Variants in TRDMT1 observed in about 807,000 individuals in gnomAD.
TRDMT1 encodes the protein tRNA aspartic acid methyltransferase 1.
A neutral mutation model predicts 51.2 loss-of-function variants in TRDMT1; 49 were observed. The ratio of observed to expected loss-of-function variants is 0.96; its 90% CI spans 0.76 to 1.21. The LOEUF (loss-of-function observed/expected upper bound fraction) is 1.21. TRDMT1 is among the 50% of genes most tolerant of loss of function. The probability of loss-of-function intolerance (pLI) is 0.00; values close to 1 mark genes in which losing one functional copy is unlikely to be tolerated. For missense variants in TRDMT1, 534 were observed against 462.3 expected (o/e 1.16, Z -1.42); for synonymous variants, 187 against 164.6 (o/e 1.14, Z -1.04).
chr10:17,171,863 C>A, intron 2 of TRDMT1: 1 of 156,360 alleles, frequency 6.4e-6, no homozygotes. Flanking sequence ...TCCAGAAGGG[C>A]TCATGGATGT....
intron 1 of TRDMT1, among the ~76,000 whole-genome samples, chr10:17,189,853 G>C (rs1844453983): frequency 6.6e-6 from 1 of 152,118 alleles, no homozygotes; most frequent in Non-Finnish European, 1.5e-5. Flanking sequence ...GGTCCTGTTT[G>C]TGCTAAAAGA....
At position 17,162,175 on chromosome 10, in the gene TRDMT1, A is replaced by C; in HGVS notation, c.314T>G (p.Ile105Ser). The change falls in exon 4 of 11, where the codon ATT becomes AGT. Residue 105 changes from isoleucine to serine, a missense_variant. Ile to Ser is a moderately radical substitution (Grantham distance 142). Transcript: ENST00000377799. Reference sequence around the variant, plus strand: ...GAACCTAAGTTTTTACCTTGGGAGAATATCTAGAATATGTAAGAAGCTATT... The same window carrying C: ...GAACCTAAGTTTTTACCTTGGGAGACTATCTAGAATATGTAAGAAGCTATT... Reference protein sequence around the residue: ...RTNSFLHILDILPRLQKLPKY... With the variant: ...RTNSFLHILDSLPRLQKLPKY... The C allele has an allele frequency of 6.2e-7, 1 of 1,610,304 alleles. No homozygotes were observed. The highest frequency in any genetic ancestry group is 8.5e-7 in the Non-Finnish European group (1 of 1,177,694).
In TRDMT1 at chr10:17,137,379, A is replaced by G. The variant is rs141615495; in HGVS notation, c.*11661T>C. ...ATTTATTGACCTTCTCTGATTTACAATAAAGTCGTAATGTACAAATCTGGA... is the reference window on the plus strand; with the variant it reads ...ATTTATTGACCTTCTCTGATTTACAGTAAAGTCGTAATGTACAAATCTGGA... On this transcript the variant is annotated 3_prime_UTR_variant, in exon 11 of 11. Coordinates refer to ENST00000377799, the MANE Select transcript of TRDMT1 (RefSeq NM_004412.7). 1.8e-4 allele frequency: 27 copies of G among 152,370 alleles called. No individual in the cohort carries two copies. Among genetic ancestry groups the G allele is most frequent in the Non-Finnish European group, 3.7e-4 (25 of 68,040 alleles). 9.4% of individuals were successfully genotyped at this position (152,370 alleles called of 1,614,324 possible).
intron 1 of TRDMT1, 54 bp downstream of exon 1, chr10:17,201,517 C>T: frequency 6.6e-7 from 1 of 1,524,484 alleles, no homozygotes; most frequent in Non-Finnish European, 8.9e-7. Context: ...GGCGCGGGTG[C>T]TCCAACCAGC....
rs1837671026 is a variant in TRDMT1, at chr10:17,141,359, A to G, written c.*7681T>C. Reference sequence around the variant, plus strand: ...TTGATTTTAGTAGAGACGGGGTTTCACCATGTTGGAAAGGATGGTCTCTAT... The same window carrying G: ...TTGATTTTAGTAGAGACGGGGTTTCGCCATGTTGGAAAGGATGGTCTCTAT... On this transcript the variant is annotated 3_prime_UTR_variant, in exon 11 of 11. Coordinates refer to ENST00000377799, the MANE Select transcript of TRDMT1 (RefSeq NM_004412.7). Among the ~76,000 whole-genome samples the G allele has an allele frequency of 6.6e-6, 1 of 151,946 alleles. No homozygotes were observed. Among genetic ancestry groups the G allele is most frequent in the Admixed American group, 6.6e-5 (1 of 15,256 alleles).
At position 17,149,864 on chromosome 10, in the gene TRDMT1, T is replaced by G. The variant is rs1032874578; in HGVS notation, c.1076-724A>C. Among the ~76,000 whole-genome samples the G allele has an allele frequency of 7.9e-5, 12 of 152,216 alleles. No homozygotes were observed. In the East Asian group the frequency reaches 2.3e-3, roughly 29 times the overall value. On this transcript the variant is annotated intron_variant, in intron 10 of 10. Transcript: ENST00000377799. ...TTCTATTGTATGGATTTATCACATT[T>G]TATTTTTCCATTCATTCGTTCATAG...
Position 17,137,841 on chromosome 10 carries a change from A to G in TRDMT1, c.*11199T>C, listed in dbSNP as rs1837463691. Among the ~76,000 whole-genome samples, 2 of 151,952 alleles carry G rather than the reference A, an allele frequency of 1.3e-5. No homozygotes were observed. Among genetic ancestry groups the G allele is most frequent in the South Asian group, 2.1e-4 (1 of 4,826 alleles). On this transcript the variant is annotated 3_prime_UTR_variant, in exon 11 of 11. Transcript: ENST00000377799. ...CGAAACTCTGCCAAAAAAAAAAGAA[A>G]AAAAAAAAAAGGTTGTTCCACTTGT...
intron 2 of TRDMT1, chr10:17,169,193 G>T: frequency 1.8e-6 from 1 of 569,208 alleles, no homozygotes; most frequent in Non-Finnish European, 2.7e-6. Context: ...AGCACATCTG[G>T]CCTGTATCAC....
Position 17,147,834 on chromosome 10 carries a change from G to T in TRDMT1, c.*1206C>A. The T allele has an allele frequency of 4.2e-6, 1 of 238,790 alleles. No individual in the cohort carries two copies. The highest frequency in any genetic ancestry group is 6.8e-6 in the Non-Finnish European group (1 of 147,410). The allele number at this position is 238,790 out of a possible 1,614,324, so 14.8% of individuals were successfully genotyped here. ...AATTCTTTTGGATCTATAGCCAGAG[G>T]TGGAATCGCTGAATCATAGGGTAAT... On this transcript the variant is annotated 3_prime_UTR_variant, in exon 11 of 11. Transcript: ENST00000377799.
At chr10:17,150,832 T>C (rs1838597283) in intron 10 of TRDMT1, 1 of 984,816 alleles carries the variant, frequency 1.0e-6, no homozygotes, top group South Asian at 4.7e-5. Context: ...GGTAAGCACA[T>C]TATTTATCTA....
At chr10:17,195,511 C>A (rs1297965912) in intron 1 of TRDMT1, among the ~76,000 whole-genome samples, 1 of 152,036 alleles carries the variant, frequency 6.6e-6, no homozygotes, top group Non-Finnish European at 1.5e-5. Flanking sequence ...TGCTCAGTGC[C>A]TGGGTGGTGG....
chr10:17,180,300 G>T (rs1843124929), intron 1 of TRDMT1, among the ~76,000 whole-genome samples: 1 of 152,068 alleles, frequency 6.6e-6, no homozygotes, highest in Admixed American at 6.5e-5. Context: ...TAGCACTTTG[G>T]GAGGCTGAGG....
At chr10:17,193,512 A>G (rs1215445258) in intron 1 of TRDMT1, among the ~76,000 whole-genome samples, 6 of 152,202 alleles carry the variant, frequency 3.9e-5, no homozygotes, top group African/African-American at 1.4e-4. Context: ...TACACAAATA[A>G]TGTTCAAACT....
rs952649479 is a variant in TRDMT1, at chr10:17,146,160, A to T, written c.*2880T>A. The stretch of plus-strand genomic sequence containing the variant: ...TTGAAAAGTTGGATAATTTCAAGCA[A>T]CAGTTTACCCTCAAATTTCTAAAAA... On this transcript the variant is annotated 3_prime_UTR_variant, in exon 11 of 11. Transcript: ENST00000377799. 2.3e-5 allele frequency: 23 copies of T among 985,338 alleles called. No individual in the cohort carries two copies. The highest frequency in any genetic ancestry group is 2.8e-5 in the Non-Finnish European group (23 of 829,936). 61.0% of individuals were successfully genotyped at this position (985,338 alleles called of 1,614,324 possible). A position where few individuals can be genotyped will look rare whatever the true frequency, so the allele number is the denominator to read the frequency against.
intron 5 of TRDMT1, among the ~76,000 whole-genome samples, chr10:17,160,855 C>A (rs1225595942): frequency 6.6e-6 from 1 of 152,180 alleles, no homozygotes; most frequent in Non-Finnish European, 1.5e-5. Flanking sequence ...TTCAGCACCT[C>A]AGAAATAATA....
At chr10:17,176,965 T>C (rs1842693804) in intron 1 of TRDMT1, among the ~76,000 whole-genome samples, 1 of 152,140 alleles carries the variant, frequency 6.6e-6, no homozygotes, top group African/African-American at 2.4e-5. Context: ...CCAAGAGTAG[T>C]AATTCTCAAA....
intron 1 of TRDMT1, chr10:17,201,367 G>T (rs970756312): frequency 3.8e-6 from 2 of 520,532 alleles, no homozygotes; most frequent in African/African-American, 4.0e-5. Flanking sequence ...AGCCAGACTC[G>T]GCGCCAGGAG....
Position 17,147,809 on chromosome 10 carries a change from A to T in TRDMT1, c.*1231T>A. 1 of 190,632 alleles carries T rather than the reference A, an allele frequency of 5.2e-6. No homozygotes were observed. The highest frequency in any genetic ancestry group is 9.7e-6 in the Non-Finnish European group (1 of 103,194). 11.8% of individuals were successfully genotyped at this position (190,632 alleles called of 1,614,324 possible). ...AATATCTGTTCAAGTCCCTGCTTTC[A>T]ATTCTTTTGGATCTATAGCCAGAGG... On this transcript the variant is annotated 3_prime_UTR_variant, in exon 11 of 11. Coordinates refer to ENST00000377799, the MANE Select transcript of TRDMT1 (RefSeq NM_004412.7).
intron 4 of TRDMT1, 123 bp downstream of exon 4, chr10:17,162,043 A>G: frequency 1.2e-6 from 1 of 804,972 alleles, no homozygotes; most frequent in South Asian, 1.5e-5. Context: ...GATAAATGAC[A>G]GGCCCAATAT....
Sources: gnomAD v4.1 joint callset for allele counts (sites outside exome capture counted in the v4.1 genomes callset) on GRCh38, gnomAD v4.1.1 for gene constraint, MANE v1.5 for transcripts, NCBI Gene and HGNC (gene_info 2026-07-23, HGNC 2026-07-21) for gene names.